The following KIRREL3 variants were observed in gnomAD, a reference collection of about 807,000 sequenced individuals.
The protein encoded by KIRREL3 is kin of IRRE-like protein 3.
A neutral mutation model predicts 89.7 loss-of-function variants in KIRREL3; 36 were observed. The observed-to-expected ratio is 0.40, with a 90% CI of 0.31 to 0.53. The LOEUF (loss-of-function observed/expected upper bound fraction) is 0.53, where lower values mean the gene tolerates loss of function less well. Among genes scored for constraint, KIRREL3 ranks in the 20% least tolerant of loss-of-function variants. The pLI, the probability that KIRREL3 is intolerant of heterozygous loss-of-function variation, is 0.49. For synonymous variants in KIRREL3, 445 were observed against 441.4 expected (o/e 1.01, Z -0.10); for missense variants, 864 against 1,056.6 (o/e 0.82, Z 2.53).
intron 2 of KIRREL3, among the ~76,000 whole-genome samples, chr11:126,533,411 C>A (rs889917652): frequency 6.6e-6 from 1 of 152,208 alleles, no homozygotes; most frequent in South Asian, 2.1e-4. Flanking sequence ...ACTGAAAAGT[C>A]TCAAGGAAAC....
In KIRREL3 at chr11:126,576,557, A is replaced by G. The variant is rs1268796199; in HGVS notation, c.56-13645T>C. On this transcript the variant is annotated intron_variant, in intron 1 of 16. Coordinates refer to ENST00000525144, the MANE Select transcript of KIRREL3 (RefSeq NM_032531.4). The surrounding 1 kb of genome is among the most constrained non-coding windows in gnomAD (Gnocchi z 5.4). The stretch of plus-strand genomic sequence containing the variant: ...TTCATGTGGGTTTGGGCAAATTATT[A>G]AACATCCCTGGACCTCAGCATCTCC... Among the ~76,000 whole-genome samples, 1 of 152,212 alleles carries G rather than the reference A, an allele frequency of 6.6e-6. No individual in the cohort carries two copies. Among genetic ancestry groups the G allele is most frequent in the Non-Finnish European group, 1.5e-5 (1 of 68,036 alleles).
intron 1 of KIRREL3, among the ~76,000 whole-genome samples, chr11:126,749,270 A>G (rs2187572): frequency 2.6e-5 from 4 of 152,124 alleles, no homozygotes; most frequent in African/African-American, 9.7e-5. Flanking sequence ...TCCTTTCTCA[A>G]CTATATAAAT....
At chr11:126,775,887 T>C (rs187622018) in intron 1 of KIRREL3, among the ~76,000 whole-genome samples, 1 of 152,284 alleles carries the variant, frequency 6.6e-6, no homozygotes, top group Admixed American at 6.5e-5. Context: ...GTCCGTGCTC[T>C]TTTTGCCTGA....
intron 1 of KIRREL3, among the ~76,000 whole-genome samples, chr11:126,986,126 GGGGCCTTTAAATCTGT>G (rs1190047055): frequency 2.0e-5 from 3 of 152,148 alleles, no homozygotes; most frequent in African/African-American, 7.2e-5. Flanking sequence ...GTGGGATGAG[GGGGCCTTTAAATCTGT>G]GGCTGGCTCC....
chr11:126,437,769 A>G (rs985462744), intron 11 of KIRREL3, among the ~76,000 whole-genome samples: 5 of 152,134 alleles, frequency 3.3e-5, no homozygotes, highest in Non-Finnish European at 5.9e-5. Context: ...ATGCCACAAT[A>G]CAACACACAA....
chr11:126,736,869 A>G lies in KIRREL3; in HGVS notation c.56-173957T>C, dbSNP rs1045062810. Among the ~76,000 whole-genome samples the G allele has an allele frequency of 1.3e-5, 2 of 152,178 alleles. No individual in the cohort carries two copies. Among genetic ancestry groups the G allele is most frequent in the Non-Finnish European group, 2.9e-5 (2 of 68,016 alleles). On this transcript the variant is annotated intron_variant, in intron 1 of 16. Transcript: ENST00000525144. This position sits in a 1 kb window ranked among gnomAD's most constrained non-coding sequence, Gnocchi z 5.0. Reference sequence around the variant, plus strand: ...TCCCCCACCCTGTGCTGCCCAGGAAAAAGAGCTCAAAGGGAGTGCCCCAGA... The same window carrying G: ...TCCCCCACCCTGTGCTGCCCAGGAAGAAGAGCTCAAAGGGAGTGCCCCAGA...
intron 1 of KIRREL3, among the ~76,000 whole-genome samples, chr11:126,737,541 G>A (rs111688918): frequency 9.9e-5 from 15 of 152,234 alleles, no homozygotes; most frequent in African/African-American, 2.2e-4. Context: ...GCAGCAGCTC[G>A]GAGTCTCAGT....
Position 126,939,890 on chromosome 11 carries a change from G to T in KIRREL3, c.55+60565C>A, listed in dbSNP as rs1245715061. 2.0e-5 allele frequency among the ~76,000 whole-genome samples: 3 copies of T among 152,148 alleles called. No individual in the cohort carries two copies. In the East Asian group the frequency reaches 5.8e-4, roughly 29 times the overall value. The stretch of plus-strand genomic sequence containing the variant: ...TTCCCAAGGTCACTCTGGGCAACTT[G>T]AGTGAGCCACAGGTTCATACAGGGG... On this transcript the variant is annotated intron_variant, in intron 1 of 16. Coordinates refer to ENST00000525144, the MANE Select transcript of KIRREL3 (RefSeq NM_032531.4).
Position 126,755,823 on chromosome 11 carries a change from CAGAGAGAG to C in KIRREL3, c.56-192919_56-192912del, listed in dbSNP as rs10616492. Among the ~76,000 whole-genome samples, 4,737 of 147,510 alleles carry C rather than the reference CAGAGAGAG, an allele frequency of 0.032. 210 individuals carry two copies. The highest frequency in any genetic ancestry group is 0.1 in the African/African-American group (4,027 of 39,794). On this transcript the variant is annotated intron_variant, in intron 1 of 16. Transcript: ENST00000525144. The surrounding 1 kb of genome is among the most constrained non-coding windows in gnomAD (Gnocchi z 4.3). ...GCGTGCTCGCCATCTGCCATTCAGG[CAGAGAGAG>C]AGAGAGAGAGAGAGAGAGAGAGAGG...
At position 126,607,163 on chromosome 11, in the gene KIRREL3, C is replaced by T. The variant is rs1242795214; in HGVS notation, c.56-44251G>A. On this transcript the variant is annotated intron_variant, in intron 1 of 16. Coordinates refer to ENST00000525144, the MANE Select transcript of KIRREL3 (RefSeq NM_032531.4). The surrounding 1 kb of genome is among the most constrained non-coding windows in gnomAD (Gnocchi z 6.6). ...CGTCAGAGTGGATGGAGGGGCAAAGCCAGGAAAATACCTGGGGGCTTCCAC... is the reference window on the plus strand; with the variant it reads ...CGTCAGAGTGGATGGAGGGGCAAAGTCAGGAAAATACCTGGGGGCTTCCAC... Among the ~76,000 whole-genome samples, 1 of 152,122 alleles carries T rather than the reference C, an allele frequency of 6.6e-6. No homozygotes were observed. Among genetic ancestry groups the T allele is most frequent in the African/African-American group, 2.4e-5 (1 of 41,424 alleles).
chr11:126,972,184 G>T (rs1356194925), intron 1 of KIRREL3, among the ~76,000 whole-genome samples: 1 of 151,740 alleles, frequency 6.6e-6, no homozygotes, highest in Non-Finnish European at 1.5e-5. Flanking sequence ...GAGAGAGAGA[G>T]AGAGAGAGAG....
Position 126,946,558 on chromosome 11 carries a change from T to C in KIRREL3, c.55+53897A>G. On this transcript the variant is annotated intron_variant, in intron 1 of 16. Coordinates refer to ENST00000525144, the MANE Select transcript of KIRREL3 (RefSeq NM_032531.4). The surrounding 1 kb of genome is among the most constrained non-coding windows in gnomAD (Gnocchi z 4.1). ...AAAACTCTATACATTATTTGATTCA[T>C]TTATTTAACATATCTTGAGAACATG... is the stretch of plus-strand genomic sequence containing the variant. Among the ~76,000 whole-genome samples the C allele has an allele frequency of 1.3e-5, 2 of 152,336 alleles. No individual in the cohort carries two copies. Among genetic ancestry groups the C allele is most frequent in the Non-Finnish European group, 2.9e-5 (2 of 68,026 alleles).
At position 126,513,489 on chromosome 11, in the gene KIRREL3, G is replaced by C. The variant is rs564355006; in HGVS notation, c.433+7826C>G. Among the ~76,000 whole-genome samples the C allele has an allele frequency of 6.6e-5, 10 of 152,286 alleles. No homozygotes were observed. The South Asian group carries it at 1.9e-3, about 28-fold the overall frequency. On this transcript the variant is annotated intron_variant, in intron 4 of 16. Coordinates refer to ENST00000525144, the MANE Select transcript of KIRREL3 (RefSeq NM_032531.4). This position sits in a 1 kb window ranked among gnomAD's most constrained non-coding sequence, Gnocchi z 5.9. The stretch of plus-strand genomic sequence containing the variant: ...CTCAGGCAGGGAAGGGAAAAGATGC[G>C]CTGAGTTTGCCTCCATCCCTGAGGG...
At chr11:126,661,201 G>A (rs1945386112) in intron 1 of KIRREL3, among the ~76,000 whole-genome samples, 1 of 152,194 alleles carries the variant, frequency 6.6e-6, no homozygotes, top group African/African-American at 2.4e-5. Flanking sequence ...GCTCCCAGAT[G>A]GCACAGACAC....
rs117950200 is a variant in KIRREL3, at chr11:126,776,679, C to T, written c.56-213767G>A. ...AGGATTGTGGGGTCACAGAAGTCAACTGTTAAAACCTTGTGGTAATCCAAA... is the reference window on the plus strand; with the variant it reads ...AGGATTGTGGGGTCACAGAAGTCAATTGTTAAAACCTTGTGGTAATCCAAA... On this transcript the variant is annotated intron_variant, in intron 1 of 16. Transcript: ENST00000525144. The surrounding 1 kb of genome is among the most constrained non-coding windows in gnomAD (Gnocchi z 4.7). Among the ~76,000 whole-genome samples the T allele has an allele frequency of 0.01, 1,590 of 152,334 alleles. 10 individuals are homozygous for T. The highest frequency in any genetic ancestry group is 0.037 in the Middle Eastern group (11 of 294).
chr11:126,499,137 G>C (rs1957769177), intron 4 of KIRREL3, among the ~76,000 whole-genome samples: 1 of 108,506 alleles, frequency 9.2e-6, no homozygotes, highest in Admixed American at 1.3e-4. Context: ...GGACAACAGA[G>C]CAAGACTCCG....
At position 126,499,084 on chromosome 11, in the gene KIRREL3, G is replaced by A. The variant is rs554819062; in HGVS notation, c.433+22231C>T. ...TGAGAATCACCTGAACCTGGGAGAC[G>A]GAAGTTGCAGTGAGCCGAGATTGTG... On this transcript the variant is annotated intron_variant, in intron 4 of 16. Coordinates refer to ENST00000525144, the MANE Select transcript of KIRREL3 (RefSeq NM_032531.4). Among the ~76,000 whole-genome samples the A allele has an allele frequency of 2.0e-5, 3 of 147,388 alleles. No homozygotes were observed. In the East Asian group the frequency reaches 6.1e-4, roughly 30 times the overall value.
At chr11:126,968,890 G>A (rs968949126) in intron 1 of KIRREL3, among the ~76,000 whole-genome samples, 13 of 152,104 alleles carry the variant, frequency 8.5e-5, no homozygotes, top group African/African-American at 2.7e-4. Context: ...GAAAAGGACT[G>A]TACCTCTCTG....
At chr11:126,662,512 C>T (rs1050702180) in intron 1 of KIRREL3, among the ~76,000 whole-genome samples, 7 of 152,162 alleles carry the variant, frequency 4.6e-5, no homozygotes, top group African/African-American at 1.7e-4. Context: ...CTGGTGAGGG[C>T]CTTCTTGCTG....
Sources: allele counts gnomAD v4.1 joint callset (sites outside exome capture counted in the v4.1 genomes callset), GRCh38; gene constraint gnomAD v4.1.1; non-coding constraint Gnocchi (gnomAD v3.1); transcripts MANE v1.5; gene names NCBI Gene and HGNC (gene_info 2026-07-23, HGNC 2026-07-21).